The following PP2D1 variants were observed in gnomAD, a reference collection of about 807,000 sequenced individuals.
PP2D1 encodes protein phosphatase 2C-like domain-containing protein 1.
Under a neutral mutation model 30.2 loss-of-function variants are expected in PP2D1, and 25 were observed. The ratio of observed to expected loss-of-function variants is 0.83; its 90% CI spans 0.60 to 1.16. The LOEUF is 1.16. PP2D1 is among the 50% of genes most tolerant of loss of function. The pLI is 0.00. For synonymous variants in PP2D1, 260 were observed against 258.9 expected (o/e 1.00, Z -0.04); for missense variants, 760 against 742.4 (o/e 1.02, Z -0.28).
Position 20,001,130 on chromosome 3 carries a change from C to G in PP2D1, c.990G>C (p.Lys330Asn), listed in dbSNP as rs1487050527. Residue 330 changes from lysine (K) to asparagine (N), a missense_variant, in exon 2 of 3, where the codon AAG becomes AAC. Physicochemically the swap from Lys to Asn is moderately conservative, Grantham distance 94. Transcript: ENST00000389050. ...CATGGGTATTTTTTCTTTTCCAATT[C>G]TTATGAGCATAAGGACTTTTAGGTT... is the stretch of plus-strand genomic sequence containing the variant. ...EGKPKSPYAH[K>N]NWKRKNTHDG... 6.9e-7 allele frequency: 1 copy of G among 1,442,044 alleles called. No individual in the cohort carries two copies. 89.3% of individuals were successfully genotyped at this position (1,442,044 alleles called of 1,614,324 possible). A position where few individuals can be genotyped will look rare whatever the true frequency, so the allele number is the denominator to read the frequency against.
rs546369600 is a variant in PP2D1 at position 19,985,639 on chromosome 3, T to C, written c.1634A>G (p.Tyr545Cys). ...AAATGTTTCTACATTCTCAGGGTTATAAATACAGTATTTAGAATAGTTTGA... is the reference window on the plus strand; with the variant it reads ...AAATGTTTCTACATTCTCAGGGTTACAAATACAGTATTTAGAATAGTTTGA... The part of the protein sequence containing the change: ...SDSNYSKYCI[Y>C]NPENVETFPA... The change falls in exon 3 of 3, where the codon TAT becomes TGT. Residue 545 changes from tyrosine (Y) to cysteine (C), a missense_variant. By Grantham distance (194) the Tyr-to-Cys change is radical. Coordinates refer to ENST00000389050, the MANE Select transcript of PP2D1 (RefSeq NM_001252657.2). 6.5e-7 allele frequency: 1 copy of C among 1,536,040 alleles called. No homozygotes were observed. The highest frequency in any genetic ancestry group is 2.0e-5 in the Admixed American group (1 of 50,996).
chr3:20,011,773 T>A (rs1181496437), intron 1 of PP2D1, among the ~76,000 whole-genome samples: 1 of 152,076 alleles, frequency 6.6e-6, no homozygotes, highest in Non-Finnish European at 1.5e-5. Flanking sequence ...CACTCCAGCC[T>A]GGGCAACAGA....
At chr3:19,983,833 T>C, downstream of PP2D1, 1 of 1,534,538 alleles carries the variant, frequency 6.5e-7, no homozygotes, top group Non-Finnish European at 9.0e-7. Flanking sequence ...AACCTCTAGT[T>C]TGAACTAGCT....
chr3:20,004,886 C>T (rs373627989), intron 1 of PP2D1, among the ~76,000 whole-genome samples: 17 of 152,216 alleles, frequency 1.1e-4, no homozygotes, highest in African/African-American at 2.6e-4. Context: ...GCAGGGAGAT[C>T]ACTTGAGGCC....
At position 20,001,849 on chromosome 3, in the gene PP2D1, G is replaced by T. The variant is rs1336924845; in HGVS notation, c.271C>A (p.Leu91Met). The T allele has an allele frequency of 7.2e-6, 11 of 1,535,644 alleles. No homozygotes were observed. Among genetic ancestry groups the T allele is most frequent in the Non-Finnish European group, 8.7e-6 (10 of 1,146,714 alleles). ...TTTCTACCCATCCATTGGAAACCCA[G>T]CGTGGCCAGAGCTACATGTTGCTTC... ...HKKQHVALAT[L>M]GFQWMGRKKP... Residue 91 changes from leucine (L) to methionine (M), a missense_variant, in exon 2 of 3, where the codon CTG becomes ATG. Leu to Met is a conservative substitution (Grantham distance 15). This residue lies in a region of PP2D1 where 374 missense variants were observed against 388.8 expected (regional missense o/e 0.96). Coordinates refer to ENST00000389050, the MANE Select transcript of PP2D1 (RefSeq NM_001252657.2).
In PP2D1 at chr3:20,009,756, AAATT is replaced by A. The variant is rs1213889004; in HGVS notation, c.23+2290_23+2293del. 2.6e-5 allele frequency among the ~76,000 whole-genome samples: 4 copies of A among 152,328 alleles called. No homozygotes were observed. In the East Asian group the frequency reaches 5.8e-4, roughly 22 times the overall value. On this transcript the variant is annotated intron_variant, in intron 1 of 2. Coordinates refer to ENST00000389050, the MANE Select transcript of PP2D1 (RefSeq NM_001252657.2). ...GATTTACACGTGGCAATATAAATAA[AAATT>A]AAAGAAGCAAGCAAAACTGATAAAT...
At chr3:20,010,363 C>T (rs377311401) in intron 1 of PP2D1, among the ~76,000 whole-genome samples, 6 of 152,020 alleles carry the variant, frequency 3.9e-5, no homozygotes, top group South Asian at 4.2e-4. Flanking sequence ...CCCAAAGTGC[C>T]GATTTACAGG....
At position 20,001,370 on chromosome 3, in the gene PP2D1, G is replaced by A. The variant is rs1253462977; in HGVS notation, c.750C>T (p.Ser250=). 2.0e-6 allele frequency: 3 copies of A among 1,536,420 alleles called. No homozygotes were observed. In the Admixed American group the frequency reaches 5.9e-5, roughly 30 times the overall value. Reference sequence around the variant, plus strand: ...ATTCTTCTCTAAACACAGTGTAAAAGGAATTGATTATTTGTTGCTCATCAG... The same window carrying A: ...ATTCTTCTCTAAACACAGTGTAAAAAGAATTGATTATTTGTTGCTCATCAG... ...MTTDEQQIIN[S]FYTVFREEYA... The change falls in exon 2 of 3, where the codon TCC becomes TCT. Residue 250 remains serine (S), a synonymous_variant. Coordinates refer to ENST00000389050, the MANE Select transcript of PP2D1 (RefSeq NM_001252657.2).
chr3:19,985,322 G>A, downstream of PP2D1: 1 of 1,171,748 alleles, frequency 8.5e-7, no homozygotes, highest in Non-Finnish European at 1.2e-6. Flanking sequence ...CCTAATAGCT[G>A]GATCATTGAA....
chr3:20,007,170 G>A (rs373990069), intron 1 of PP2D1, among the ~76,000 whole-genome samples: 193 of 152,052 alleles, frequency 1.3e-3, no homozygotes, highest in African/African-American at 4.4e-3. Context: ...CCGCACCCGG[G>A]CCCTCCTGTA....
chr3:19,991,487 T>A (rs547039563), intron 2 of PP2D1, among the ~76,000 whole-genome samples: 16 of 152,242 alleles, frequency 1.1e-4, no homozygotes, highest in African/African-American at 3.9e-4. Context: ...GAAAAAGACA[T>A]ACCTATATAC....
At chr3:19,993,602 A>C (rs1697142872) in intron 2 of PP2D1, among the ~76,000 whole-genome samples, 1 of 152,106 alleles carries the variant, frequency 6.6e-6, no homozygotes, top group African/African-American at 2.4e-5. Flanking sequence ...GCATGGTGGC[A>C]CATGCCAGTA....
At chr3:19,988,431 A>C (rs529669877) in intron 2 of PP2D1, among the ~76,000 whole-genome samples, 6 of 152,134 alleles carry the variant, frequency 3.9e-5, no homozygotes, top group Non-Finnish European at 8.8e-5. Flanking sequence ...CCCGCCTAGT[A>C]AATTTTAGAC....
chr3:19,980,706 G>A (rs545357825), downstream of PP2D1, among the ~76,000 whole-genome samples: 5 of 152,176 alleles, frequency 3.3e-5, no homozygotes, highest in East Asian at 5.8e-4. Flanking sequence ...TGTGTCCCAG[G>A]TACCAGTGTT....
In PP2D1 at chr3:20,001,179, G is replaced by T. The variant is rs1464340421; in HGVS notation, c.941C>A (p.Ala314Glu). 10 of 1,507,210 alleles carry T rather than the reference G, an allele frequency of 6.6e-6. No individual in the cohort carries two copies. The highest frequency in any genetic ancestry group is 8.8e-6 in the Non-Finnish European group (10 of 1,134,674). 93.4% of individuals were successfully genotyped at this position (1,507,210 alleles called of 1,614,324 possible). A position where few individuals can be genotyped will look rare whatever the true frequency, so the allele number is the denominator to read the frequency against. ...TTTGCCTTCCAATATACAAGTAACT[G>T]CAGAGCAGCCACTCCATTGAACCCT... is the stretch of plus-strand genomic sequence containing the variant. ...VSRVQWSGCS[A>E]VTCILEGKPK... The change falls in exon 2 of 3, where the codon GCA (alanine) becomes GAA (glutamate). Residue 314 changes from alanine to glutamate, a missense_variant. Ala to Glu is a moderately radical substitution (Grantham distance 107). Transcript: ENST00000389050.
chr3:20,004,679 G>A (rs1697296730), intron 1 of PP2D1, among the ~76,000 whole-genome samples: 1 of 151,984 alleles, frequency 6.6e-6, no homozygotes, highest in African/African-American at 2.4e-5. Flanking sequence ...ATCTAGTACT[G>A]TACTCGGCAC....
chr3:19,983,716 T>C, downstream of PP2D1: 2 of 1,603,856 alleles, frequency 1.2e-6, no homozygotes, highest in Non-Finnish European at 1.7e-6. Flanking sequence ...AGCTAAAAAA[T>C]TGCCAAAGAA....
chr3:19,987,634 G>GTAT (rs1450518236), intron 2 of PP2D1, among the ~76,000 whole-genome samples: 3 of 152,142 alleles, frequency 2.0e-5, no homozygotes, highest in Non-Finnish European at 2.9e-5. Context: ...CCAAGGCCAG[G>GTAT]TATGGTGGCT....
At chr3:20,011,374 G>A (rs189541003) in intron 1 of PP2D1, among the ~76,000 whole-genome samples, 19 of 152,234 alleles carry the variant, frequency 1.2e-4, no homozygotes, top group Admixed American at 1.0e-3. Context: ...AGTGTGTTTT[G>A]ATCTGAAGTC....
Sources: gnomAD v4.1 joint callset for allele counts (sites outside exome capture counted in the v4.1 genomes callset) on GRCh38, gnomAD v4.1.1 for gene constraint, gnomAD v4.1.1 regional missense constraint, MANE v1.5 for transcripts, NCBI Gene and HGNC (gene_info 2026-07-23, HGNC 2026-07-21) for gene names.